The following PDZRN3 variants were observed in gnomAD, a reference collection of about 807,000 sequenced individuals.
PDZRN3 encodes PDZ domain containing ring finger 3.
PDZRN3 carries 38 observed loss-of-function variants against 85.7 expected under a neutral mutation model. That is an observed-to-expected ratio of 0.44 (90% CI 0.34 to 0.58). The LOEUF is 0.58. Ranked by LOEUF, PDZRN3 falls within the 20% of genes least tolerant of loss-of-function variation. The probability of loss-of-function intolerance (pLI) is 0.01; values close to 1 mark genes in which losing one functional copy is unlikely to be tolerated. For missense variants in PDZRN3, 1,629 were observed against 1,506.4 expected, an observed-to-expected ratio of 1.08 and a Z score of -1.35; for synonymous variants, 759 against 638.0, an observed-to-expected ratio of 1.19 and a Z score of -2.86.
chr3:73,572,345 C>T (rs904596178), intron 3 of PDZRN3, among the ~76,000 whole-genome samples: 15 of 152,180 alleles, frequency 9.9e-5, no homozygotes, highest in African/African-American at 3.6e-4. Context: ...TAGCTGCTAG[C>T]TCAGTTTTAT....
chr3:73,425,219 C>T (rs1031212107), intron 3 of PDZRN3, among the ~76,000 whole-genome samples: 1 of 151,928 alleles, frequency 6.6e-6, no homozygotes, highest in African/African-American at 2.4e-5. Context: ...TGGGGTTTCA[C>T]CATTTATCCA....
At chr3:73,418,516 C>T (rs1451756074) in intron 3 of PDZRN3, among the ~76,000 whole-genome samples, 1 of 152,136 alleles carries the variant, frequency 6.6e-6, no homozygotes, top group Admixed American at 6.5e-5. Flanking sequence ...ATAAGAGGAA[C>T]CTCACTAGAC....
intron 3 of PDZRN3, among the ~76,000 whole-genome samples, chr3:73,562,128 T>C (rs116795330): frequency 0.012 from 1,778 of 152,250 alleles, 14 homozygotes; most frequent in Middle Eastern, 0.024. Context: ...CCCATTACAC[T>C]CACATGTACA....
chr3:73,406,006 G>A (rs762074028), intron 3 of PDZRN3, among the ~76,000 whole-genome samples: 6 of 152,184 alleles, frequency 3.9e-5, no homozygotes, highest in Non-Finnish European at 5.9e-5. Context: ...TCCTTGTAAT[G>A]AAGCCCAAAT....
At chr3:73,518,479 T>G (rs1211954447) in intron 3 of PDZRN3, among the ~76,000 whole-genome samples, 1 of 152,194 alleles carries the variant, frequency 6.6e-6, no homozygotes, top group Non-Finnish European at 1.5e-5. Context: ...ATTGTACACT[T>G]AAAAATGGTT....
chr3:73,532,875 A>T (rs571827788), intron 3 of PDZRN3, among the ~76,000 whole-genome samples: 2 of 152,304 alleles, frequency 1.3e-5, no homozygotes, highest in East Asian at 3.9e-4. Flanking sequence ...TCTCATTTCA[A>T]ATTTATCATT....
chr3:73,612,287 G>T, intron 1 of PDZRN3, among the ~76,000 whole-genome samples: 1 of 152,162 alleles, frequency 6.6e-6, no homozygotes, highest in Admixed American at 6.5e-5. Flanking sequence ...GGAAGGTCAC[G>T]ATTGGAACCC....
chr3:73,415,248 G>C (rs954970535), intron 3 of PDZRN3, among the ~76,000 whole-genome samples: 4 of 151,942 alleles, frequency 2.6e-5, no homozygotes, highest in African/African-American at 9.7e-5. Context: ...CAAAGGGCAG[G>C]ATTTAAGTGG....
At chr3:73,459,275 A>G (rs1162843713) in intron 3 of PDZRN3, among the ~76,000 whole-genome samples, 1 of 152,196 alleles carries the variant, frequency 6.6e-6, no homozygotes, top group Non-Finnish European at 1.5e-5. Flanking sequence ...CATGGGGATT[A>G]TAATTCAAGA....
At position 73,624,589 on chromosome 3, in the gene PDZRN3, G is replaced by T. The variant is rs771125981; in HGVS notation, c.237C>A (p.Asp79Glu). The T allele has an allele frequency of 2.6e-6, 4 of 1,554,520 alleles. No homozygotes were observed. The African/African-American group carries it at 5.7e-5, about 22-fold the overall frequency. The change falls in exon 1 of 10, where the codon GAC becomes GAA. Residue 79 changes from aspartate (D) to glutamate (E), a missense_variant. Coordinates refer to ENST00000263666, the MANE Select transcript of PDZRN3 (RefSeq NM_015009.3). ...LPLKRLILKL[D>E]IKCAYATRGC... ...CGCGCGTCGCGTACGCGCACTTGAT[G>T]TCCAGCTTGAGGATAAGGCGCTTGA...
chr3:73,583,669 C>T (rs1702233083), intron 3 of PDZRN3, among the ~76,000 whole-genome samples: 1 of 152,102 alleles, frequency 6.6e-6, no homozygotes, highest in South Asian at 2.1e-4. Context: ...ACAGGATGGC[C>T]TCTGGTCTGT....
rs1386211322 is a variant in PDZRN3, at chr3:73,485,322, TTAA to T, written c.919-80930_919-80928del. On this transcript the variant is annotated intron_variant, in intron 3 of 9. Transcript: ENST00000263666. ...AAATAATTTATATTATTTTATAATA[TTAA>T]TATTTATAATATTAATATTTTAATA... Among the ~76,000 whole-genome samples, 3 of 149,126 alleles carry T rather than the reference TTAA, an allele frequency of 2.0e-5. No homozygotes were observed. In the South Asian group the frequency reaches 6.2e-4, roughly 31 times the overall value.
intron 3 of PDZRN3, among the ~76,000 whole-genome samples, chr3:73,419,620 G>A (rs1702159420): frequency 6.6e-6 from 1 of 152,112 alleles, no homozygotes. Context: ...TCTCAGTTGA[G>A]TTTAAAACTG....
chr3:73,414,652 A>G (rs1045176126), intron 3 of PDZRN3, among the ~76,000 whole-genome samples: 5 of 152,264 alleles, frequency 3.3e-5, no homozygotes, highest in African/African-American at 1.2e-4. Context: ...AACTCAGTTT[A>G]AAAGAGCCTG....
Position 73,416,875 on chromosome 3 carries a change from GGT to G in PDZRN3, c.919-12482_919-12481del, listed in dbSNP as rs1559667643. Among the ~76,000 whole-genome samples, 373 of 40,718 alleles carry G rather than the reference GGT, an allele frequency of 9.2e-3. 9 individuals are homozygous for G. The highest frequency in any genetic ancestry group is 0.025 in the African/African-American group (349 of 13,790). 26.7% of individuals were successfully genotyped at this position (40,718 alleles called of 152,430 possible). ...GTTTTTTTTTTGTTTGTTTTTTTTT[GGT>G]TTTTTTTTTTTTTTTTTTTTTTTTT... On this transcript the variant is annotated intron_variant, in intron 3 of 9. Coordinates refer to ENST00000263666, the MANE Select transcript of PDZRN3 (RefSeq NM_015009.3).
intron 3 of PDZRN3, among the ~76,000 whole-genome samples, chr3:73,525,810 G>A (rs886560034): frequency 1.3e-5 from 2 of 152,192 alleles, no homozygotes; most frequent in African/African-American, 2.4e-5. Context: ...GCATTCGCCA[G>A]TCTCACGTGG....
At position 73,581,424 on chromosome 3, in the gene PDZRN3, T is replaced by C. The variant is rs557617710; in HGVS notation, c.918+20930A>G. Reference sequence around the variant, plus strand: ...TGATTTAGTTATTTATATTTTAAGATTTCATTTCTATTTTATTTAAGATTT... The same window carrying C: ...TGATTTAGTTATTTATATTTTAAGACTTCATTTCTATTTTATTTAAGATTT... On this transcript the variant is annotated intron_variant, in intron 3 of 9. Coordinates refer to ENST00000263666, the MANE Select transcript of PDZRN3 (RefSeq NM_015009.3). Among the ~76,000 whole-genome samples the C allele has an allele frequency of 4.6e-5, 7 of 152,338 alleles. No homozygotes were observed. In the South Asian group the frequency reaches 1.5e-3, roughly 32 times the overall value.
At chr3:73,509,138 T>C (rs1456023827) in intron 3 of PDZRN3, among the ~76,000 whole-genome samples, 1 of 152,256 alleles carries the variant, frequency 6.6e-6, no homozygotes, top group Non-Finnish European at 1.5e-5. Context: ...ATAGTAGTTT[T>C]TAAAACACAC....
At chr3:73,549,345 G>A (rs1701499221) in intron 3 of PDZRN3, among the ~76,000 whole-genome samples, 1 of 152,132 alleles carries the variant, frequency 6.6e-6, no homozygotes, top group South Asian at 2.1e-4. Context: ...AGCTAGCAAA[G>A]GGCACTGTAC....
Sources: allele counts gnomAD v4.1 joint callset (sites outside exome capture counted in the v4.1 genomes callset), GRCh38; gene constraint gnomAD v4.1.1; transcripts MANE v1.5; gene names NCBI Gene and HGNC (gene_info 2026-07-23, HGNC 2026-07-21).